Variants in GJA1 observed in about 807,000 individuals in gnomAD.
GJA1 encodes gap junction alpha-1 protein.
Under a neutral mutation model 31.0 loss-of-function variants are expected in GJA1, and 9 were observed. That is an observed-to-expected ratio of 0.29 (90% confidence interval 0.17 to 0.51). The LOEUF (loss-of-function observed/expected upper bound fraction) is 0.51, where lower values mean the gene tolerates loss of function less well. GJA1 is among the 20% of genes least tolerant of loss of function. The pLI, the probability that GJA1 is intolerant of heterozygous loss-of-function variation, is 0.98. For missense variants in GJA1, 278 were observed against 468.8 expected (o/e 0.59, Z 3.76); for synonymous variants, 186 against 180.1 (o/e 1.03, Z -0.26).
chr6:121,445,181 C>T (rs998900954), intron 1 of GJA1, among the ~76,000 whole-genome samples: 1 of 152,194 alleles, frequency 6.6e-6, no homozygotes, highest in African/African-American at 2.4e-5. Flanking sequence ...GAGACGGAGT[C>T]TCTCTTTGTC....
Position 121,447,085 on chromosome 6 carries a change from C to T in GJA1, c.238C>T (p.Leu80=). 6.2e-7 allele frequency: 1 copy of T among 1,613,934 alleles called. No homozygotes were observed. The highest frequency in any genetic ancestry group is 1.1e-5 in the South Asian group (1 of 91,078). ...FPISHVRFWV[L]QIIFVSVPTL... ...AATCTCTCATGTGCGCTTCTGGGTC[C>T]TGCAGATCATATTTGTGTCTGTACC... is the stretch of plus-strand genomic sequence containing the variant. The change falls in exon 2 of 2, where the codon CTG becomes TTG. Residue 80 remains leucine (L), a synonymous_variant. Coordinates refer to ENST00000282561, the MANE Select transcript of GJA1 (RefSeq NM_000165.5).
intron 1 of GJA1, among the ~76,000 whole-genome samples, chr6:121,437,508 G>T (rs369959635): frequency 6.6e-6 from 1 of 152,004 alleles, no homozygotes; most frequent in African/African-American, 2.4e-5. Context: ...GAGGCGGGGC[G>T]GCTCAAGGGG....
At position 121,440,734 on chromosome 6, in the gene GJA1, ATTCTT is replaced by A. The variant is rs368604233; in HGVS notation, c.-17+4920_-17+4924del. On this transcript the variant is annotated intron_variant, in intron 1 of 1. Coordinates refer to ENST00000282561, the MANE Select transcript of GJA1 (RefSeq NM_000165.5). ...CATGTAGCTATACCCCAATTAATTA[ATTCTT>A]TTCTTTTCTTTTCTTTTTTTGAGAC... 3.7e-3 allele frequency among the ~76,000 whole-genome samples: 567 copies of A among 151,674 alleles called. 3 individuals carry two copies. In the Middle Eastern group the frequency reaches 0.051, roughly 14 times the overall value.
intron 1 of GJA1, among the ~76,000 whole-genome samples, chr6:121,438,933 G>C (rs1773717187): frequency 6.6e-6 from 1 of 151,414 alleles, no homozygotes. Flanking sequence ...TACATCAGTG[G>C]CTTATACAAT....
chr6:121,437,598 A>C (rs1375196872), intron 1 of GJA1, among the ~76,000 whole-genome samples: 2 of 152,024 alleles, frequency 1.3e-5, no homozygotes, highest in Non-Finnish European at 2.9e-5. Context: ...CGCGCGCCTC[A>C]CGGTCGTAGC....
At chr6:121,436,637 TAA>T (rs1217269464) in intron 1 of GJA1, among the ~76,000 whole-genome samples, 9 of 152,060 alleles carry the variant, frequency 5.9e-5, no homozygotes, top group Non-Finnish European at 1.2e-4. Context: ...ATCAGACGTT[TAA>T]AAAAGAGTGT....
intron 1 of GJA1, among the ~76,000 whole-genome samples, chr6:121,441,933 G>C (rs1361801446): frequency 6.6e-6 from 1 of 152,042 alleles, no homozygotes; most frequent in Non-Finnish European, 1.5e-5. Flanking sequence ...ACATTACAAG[G>C]GTTTGCATTT....
At chr6:121,436,104 T>C (rs550157579) in intron 1 of GJA1, among the ~76,000 whole-genome samples, 2 of 151,544 alleles carry the variant, frequency 1.3e-5, no homozygotes, top group South Asian at 4.2e-4. Flanking sequence ...ACTGGATGTT[T>C]GGTTTTTCAT....
chr6:121,444,370 T>G (rs1410420868), intron 1 of GJA1, among the ~76,000 whole-genome samples: 2 of 152,184 alleles, frequency 1.3e-5, no homozygotes, highest in African/African-American at 4.8e-5. Context: ...CTCAGCATTC[T>G]TTGGCACTAG....
At chr6:121,436,603 G>C (rs1465972372) in intron 1 of GJA1, among the ~76,000 whole-genome samples, 1 of 152,184 alleles carries the variant, frequency 6.6e-6, no homozygotes, top group Non-Finnish European at 1.5e-5. Flanking sequence ...TGAATGGGTG[G>C]TGGCTAGTTA....
At chr6:121,446,386 A>G (rs1293023893) in intron 1 of GJA1, among the ~76,000 whole-genome samples, 4 of 152,254 alleles carry the variant, frequency 2.6e-5, no homozygotes, top group Non-Finnish European at 5.9e-5. Flanking sequence ...GTGTGTTTAT[A>G]GGTATTCTTA....
At chr6:121,436,188 G>A (rs1008131274) in intron 1 of GJA1, among the ~76,000 whole-genome samples, 2 of 126,738 alleles carry the variant, frequency 1.6e-5, no homozygotes, top group African/African-American at 5.9e-5. Flanking sequence ...GTTGGGTGGG[G>A]GGGGGGCGGT....
chr6:121,445,046 C>G (rs959688682), intron 1 of GJA1, among the ~76,000 whole-genome samples: 2 of 152,200 alleles, frequency 1.3e-5, no homozygotes, highest in Non-Finnish European at 2.9e-5. Context: ...ATTTCCTATA[C>G]CCTGAGAACC....
In GJA1 at chr6:121,448,208, A is replaced by G. The variant is rs1408036306; in HGVS notation, c.*212A>G. On this transcript the variant is annotated 3_prime_UTR_variant, in exon 2 of 2. Transcript: ENST00000282561. ...GAGAGGGAGGGGATAAGAGAGGTGC[A>G]TGTTGGTATTTAAAGTAGTGGATTC... 3.3e-6 allele frequency: 2 copies of G among 610,608 alleles called. No individual in the cohort carries two copies. The highest frequency in any genetic ancestry group is 6.0e-6 in the Non-Finnish European group (2 of 334,774). The allele number at this position is 610,608 out of a possible 1,614,324, so 37.8% of individuals were successfully genotyped here. A position where few individuals can be genotyped will look rare whatever the true frequency, so the allele number is the denominator to read the frequency against.
chr6:121,448,095 G>A lies in GJA1; in HGVS notation c.*99G>A. On this transcript the variant is annotated 3_prime_UTR_variant, in exon 2 of 2. Transcript: ENST00000282561. Reference sequence around the variant, plus strand: ...TGTTAATTTTGATCCGGTGGAGGTGGTACTCAACAGCCTTATTCATGAGGC... The same window carrying A: ...TGTTAATTTTGATCCGGTGGAGGTGATACTCAACAGCCTTATTCATGAGGC... 2 of 1,038,582 alleles carry A rather than the reference G, an allele frequency of 1.9e-6. No homozygotes were observed. Among genetic ancestry groups the A allele is most frequent in the East Asian group, 2.4e-5 (1 of 41,850 alleles). 64.3% of individuals were successfully genotyped at this position (1,038,582 alleles called of 1,614,324 possible). A position where few individuals can be genotyped will look rare whatever the true frequency, so the allele number is the denominator to read the frequency against.
intron 1 of GJA1, among the ~76,000 whole-genome samples, chr6:121,439,836 T>A (rs1277120582): frequency 2.0e-5 from 3 of 152,190 alleles, no homozygotes; most frequent in Non-Finnish European, 4.4e-5. Context: ...TGCAATTATT[T>A]ATAAATATAT....
At chr6:121,443,470 A>C (rs1200023701) in intron 1 of GJA1, among the ~76,000 whole-genome samples, 2 of 152,230 alleles carry the variant, frequency 1.3e-5, no homozygotes, top group Non-Finnish European at 2.9e-5. Context: ...ACAACTTTGC[A>C]ATTAAGTTAC....
intron 1 of GJA1, among the ~76,000 whole-genome samples, chr6:121,439,719 TGAG>T (rs1252132234): frequency 1.3e-5 from 2 of 152,154 alleles, no homozygotes; most frequent in Non-Finnish European, 2.9e-5. Flanking sequence ...AGTTCAGTGA[TGAG>T]GAGGGGTAAG....
At chr6:121,439,868 T>A (rs561750482) in intron 1 of GJA1, among the ~76,000 whole-genome samples, 131 of 152,334 alleles carry the variant, frequency 8.6e-4, no homozygotes, top group African/African-American at 3.1e-3. Flanking sequence ...GTAAGTTTGA[T>A]ACACTATAGT....
Sources: gnomAD v4.1 joint callset for allele counts (sites outside exome capture counted in the v4.1 genomes callset) on GRCh38, gnomAD v4.1.1 for gene constraint, MANE v1.5 for transcripts, NCBI Gene and HGNC (gene_info 2026-07-23, HGNC 2026-07-21) for gene names.